Variants in FHDC1 observed in about 807,000 individuals in gnomAD.
FHDC1 encodes the protein FH2 domain-containing protein 1.
A neutral mutation model predicts 52.6 loss-of-function variants in FHDC1; 25 were observed. That is an observed-to-expected ratio of 0.48 (90% CI 0.35 to 0.66). FHDC1 has a LOEUF of 0.66. Ranked by LOEUF, FHDC1 falls within the 30% of genes least tolerant of loss-of-function variation. FHDC1 has a pLI of 0.01. For synonymous variants in FHDC1, 616 were observed against 581.5 expected (o/e 1.06, Z -0.85); for missense variants, 1,459 against 1,452.8 (o/e 1.00, Z -0.07).
intron 1 of FHDC1, among the ~76,000 whole-genome samples, chr4:152,937,712 C>G (rs1739435827): frequency 6.6e-6 from 1 of 152,010 alleles, no homozygotes; most frequent in Non-Finnish European, 1.5e-5. Flanking sequence ...GATCTCAGCG[C>G]GCACCGGCGC....
chr4:152,953,877 TTG>T (rs1740001212), intron 3 of FHDC1, among the ~76,000 whole-genome samples: 1 of 152,238 alleles, frequency 6.6e-6, no homozygotes, highest in Admixed American at 6.5e-5. Flanking sequence ...GGTCAGAGTT[TTG>T]TGTTCTGAAG....
At chr4:152,973,407 G>T (rs1202858386) in intron 11 of FHDC1, among the ~76,000 whole-genome samples, 1 of 152,232 alleles carries the variant, frequency 6.6e-6, no homozygotes, top group Non-Finnish European at 1.5e-5. Context: ...AGAGAAGGAG[G>T]CTCAGCCTGT....
At chr4:152,924,884 A>T in the FHDC1 span, among the ~76,000 whole-genome samples, 1 of 119,360 alleles carries the variant, frequency 8.4e-6, no homozygotes. Flanking sequence ...GGGGGGAGGG[A>T]TAGCTTTAGG....
At chr4:152,971,532 C>T (rs114889001) in intron 10 of FHDC1, among the ~76,000 whole-genome samples, 1,878 of 152,268 alleles carry the variant, frequency 0.012, 25 homozygotes, top group Middle Eastern at 0.037. Context: ...TGCTGAAGGC[C>T]TTGGAAATCA....
chr4:152,934,411 T>C (rs1470106382), upstream of FHDC1, among the ~76,000 whole-genome samples: 1 of 152,182 alleles, frequency 6.6e-6, no homozygotes, highest in Non-Finnish European at 1.5e-5. Context: ...ATAATATGGA[T>C]TCAAGAGTCC....
In FHDC1 at chr4:152,976,000, C is replaced by A; in HGVS notation, c.2709C>A (p.Arg903=). 6.5e-7 allele frequency: 1 copy of A among 1,533,958 alleles called. No homozygotes were observed. The highest frequency in any genetic ancestry group is 1.3e-5 in the South Asian group (1 of 77,896). ...CCGCCTCAGAGAACGAGAGCATGCG[C>A]AAGGTCATGCCCATCACCAAGTCCA... is the stretch of plus-strand genomic sequence containing the variant. ...TLTASENESM[R]KVMPITKSSR... is the part of the protein sequence containing the mutation. Residue 903 remains arginine, a synonymous_variant, in exon 12 of 12, where the codon CGC becomes CGA. Coordinates refer to ENST00000511601, the MANE Select transcript of FHDC1 (RefSeq NM_001371116.1).
At chr4:152,928,171 C>A in the FHDC1 span, 1 of 806,854 alleles carries the variant, frequency 1.2e-6, no homozygotes. Context: ...AGATTGTCTC[C>A]TTTATCTTCC....
upstream of FHDC1, among the ~76,000 whole-genome samples, chr4:152,934,320 G>A (rs1382133592): frequency 6.6e-6 from 1 of 152,162 alleles, no homozygotes; most frequent in Non-Finnish European, 1.5e-5. Context: ...GGGAGGTGGT[G>A]GGTGTGGGAA....
At position 152,943,003 on chromosome 4, in the gene FHDC1, T is replaced by C. The variant is rs1739616401; in HGVS notation, c.-55T>C. ...GAAAAAGTGCTACACAAGTTTGATG[T>C]TTGTGTCTTCTTCTCCAAGGCCAAG... On this transcript the variant is annotated 5_prime_UTR_variant, in exon 2 of 12. Transcript: ENST00000511601. The C allele has an allele frequency of 3.9e-6, 6 of 1,546,522 alleles. No individual in the cohort carries two copies. The South Asian group carries it at 7.5e-5, about 19-fold the overall frequency.
rs575778605 is a variant in FHDC1, at chr4:152,978,374, T to C, written c.*1651T>C. 2.0e-5 allele frequency: 3 copies of C among 152,344 alleles called. No individual in the cohort carries two copies. In the South Asian group the frequency reaches 6.2e-4, roughly 32 times the overall value. 9.4% of individuals were successfully genotyped at this position (152,344 alleles called of 1,614,324 possible). A position where few individuals can be genotyped will look rare whatever the true frequency, so the allele number is the denominator to read the frequency against. On this transcript the variant is annotated 3_prime_UTR_variant, in exon 12 of 12. Coordinates refer to ENST00000511601, the MANE Select transcript of FHDC1 (RefSeq NM_001371116.1). ...TCTCCTTGTCTCTGTCTCTTAATAA[T>C]AGTTTTTAACGTGGACATCTCTTCC...
At chr4:152,931,711 C>T (rs1417253798), upstream of FHDC1, among the ~76,000 whole-genome samples, 1 of 152,030 alleles carries the variant, frequency 6.6e-6, no homozygotes, top group Non-Finnish European at 1.5e-5. Flanking sequence ...ATTGATGCTA[C>T]CTTAGATACT....
At chr4:152,962,297 G>T (rs1351386097) in intron 6 of FHDC1, among the ~76,000 whole-genome samples, 1 of 152,048 alleles carries the variant, frequency 6.6e-6, no homozygotes, top group African/African-American at 2.4e-5. Context: ...CTGGGCCCTC[G>T]CGGTTTGTGC....
At chr4:152,958,465 C>T (rs1225475541) in intron 4 of FHDC1, among the ~76,000 whole-genome samples, 4 of 151,764 alleles carry the variant, frequency 2.6e-5, no homozygotes, top group Non-Finnish European at 4.4e-5. Context: ...AAATTAAATA[C>T]GGTCTTTCCA....
At chr4:152,937,615 C>T (rs1739430123) in intron 1 of FHDC1, among the ~76,000 whole-genome samples, 1 of 151,696 alleles carries the variant, frequency 6.6e-6, no homozygotes, top group South Asian at 2.1e-4. Flanking sequence ...GTGCAACGCC[C>T]GCGCTGGGCG....
At chr4:152,921,569 C>T in the FHDC1 span, among the ~76,000 whole-genome samples, 1 of 138,004 alleles carries the variant, frequency 7.2e-6, no homozygotes. Context: ...TTCCTTCCTT[C>T]CTTCCTTCCT....
intron 2 of FHDC1, among the ~76,000 whole-genome samples, chr4:152,945,604 G>A (rs1456889382): frequency 6.6e-6 from 1 of 152,058 alleles, no homozygotes; most frequent in Non-Finnish European, 1.5e-5. Flanking sequence ...TTACAGGGGC[G>A]TGCCACAACA....
At chr4:152,919,704 T>C in the FHDC1 span, among the ~76,000 whole-genome samples, 1 of 152,188 alleles carries the variant, frequency 6.6e-6, no homozygotes, top group Non-Finnish European at 1.5e-5. Context: ...AGGGTCATTG[T>C]TGGCTAGAAC....
upstream of FHDC1, among the ~76,000 whole-genome samples, chr4:152,931,413 G>GTT (rs957606245): frequency 7.2e-6 from 1 of 138,778 alleles, no homozygotes. Flanking sequence ...GATATCTACA[G>GTT]TTTTTTTTTT....
the FHDC1 span, among the ~76,000 whole-genome samples, chr4:152,921,576 T>C: frequency 7.0e-6 from 1 of 141,912 alleles, no homozygotes; most frequent in Non-Finnish European, 1.6e-5. Flanking sequence ...CTTCCTTCCT[T>C]CCTTCCTTCC....
Sources: gnomAD v4.1 joint callset for allele counts (sites outside exome capture counted in the v4.1 genomes callset) on GRCh38, gnomAD v4.1.1 for gene constraint, MANE v1.5 for transcripts, NCBI Gene and HGNC (gene_info 2026-07-23, HGNC 2026-07-21) for gene names.